The following SLC17A1 variants were observed in gnomAD, a reference collection of about 807,000 sequenced individuals.
SLC17A1 encodes sodium-dependent phosphate transport protein 1.
In SLC17A1, 51 loss-of-function variants were observed where a neutral mutation model predicts 53.5. The ratio of observed to expected loss-of-function variants is 0.95; its 90% CI spans 0.76 to 1.20. SLC17A1 has a LOEUF of 1.20. Among genes scored for constraint, SLC17A1 ranks in the 50% most tolerant of loss-of-function variants. The probability of loss-of-function intolerance (pLI) is 0.00; values close to 1 mark genes in which losing one functional copy is unlikely to be tolerated. For missense variants in SLC17A1, 538 were observed against 568.2 expected (o/e 0.95, Z 0.54); for synonymous variants, 179 against 198.8 (o/e 0.90, Z 0.84).
At chr6:25,726,810 C>A in the SLC17A1 span, 18 of 1,392,512 alleles carry the variant, frequency 1.3e-5, no homozygotes, top group South Asian at 2.6e-4. Flanking sequence ...GAGCTGAGGT[C>A]ATTTGGAGCT....
chr6:25,791,899 G>A (rs949926315), intron 12 of SLC17A1, among the ~76,000 whole-genome samples: 13 of 152,178 alleles, frequency 8.5e-5, no homozygotes, highest in African/African-American at 3.1e-4. Context: ...TACTACTTAC[G>A]TGGCTTCATT....
In SLC17A1 at chr6:25,819,518, A is replaced by G. The variant is rs878889160; in HGVS notation, c.522T>C (p.Ser174=). Residue 174 remains serine (S), a synonymous_variant, in exon 5 of 13, where the codon AGT becomes AGC. Transcript: ENST00000244527. ...PLERGRLTSM[S]TSGFLLGPFI... is the part of the protein sequence containing the mutation. Reference sequence around the variant, plus strand: ...TAGGCTTTAATTCTTTACCTGATGTACTCATAGAAGTAAGTCGGCCTCGTT... The same window carrying G: ...TAGGCTTTAATTCTTTACCTGATGTGCTCATAGAAGTAAGTCGGCCTCGTT... The G allele has an allele frequency of 6.2e-7, 1 of 1,611,970 alleles. No individual in the cohort carries two copies. Among genetic ancestry groups the G allele is most frequent in the Admixed American group, 1.7e-5 (1 of 60,016 alleles).
At position 25,798,919 on chromosome 6, in the gene SLC17A1, C is replaced by G. The variant is rs770659914; in HGVS notation, c.1270G>C (p.Asp424His). 6.4e-7 allele frequency: 1 copy of G among 1,555,346 alleles called. No individual in the cohort carries two copies. The highest frequency in any genetic ancestry group is 1.4e-5 in the African/African-American group (1 of 74,072). The change falls in exon 12 of 13, where the codon GAT becomes CAT. Residue 424 changes from aspartate to histidine, a missense_variant and splice_region_variant. By Grantham distance (81) the Asp-to-His change is moderately conservative. Coordinates refer to ENST00000244527, the MANE Select transcript of SLC17A1 (RefSeq NM_005074.5). ...GTTTTAAACCAGGCGGATTCCGGAT[C>G]CTAAGGAATTAAAATTCAAAGTAAT... ...STLTGLILKQ[D>H]PESAWFKTFI...
chr6:25,757,143 T>C, the SLC17A1 span, among the ~76,000 whole-genome samples: 1 of 152,200 alleles, frequency 6.6e-6, no homozygotes, highest in African/African-American at 2.4e-5. Context: ...CTAACATCTG[T>C]GGTTTTGAAT....
the SLC17A1 span, among the ~76,000 whole-genome samples, chr6:25,766,031 A>G: frequency 6.6e-6 from 1 of 151,720 alleles, no homozygotes; most frequent in East Asian, 1.9e-4. Context: ...TTATAGGGAA[A>G]GTACATAAGT....
chr6:25,803,704 A>G (rs1393907993), intron 10 of SLC17A1, among the ~76,000 whole-genome samples: 1 of 152,124 alleles, frequency 6.6e-6, no homozygotes, highest in Non-Finnish European at 1.5e-5. Flanking sequence ...TTGTAAGGTA[A>G]ATATGATTAA....
the SLC17A1 span, among the ~76,000 whole-genome samples, chr6:25,769,516 C>T: frequency 1.3e-5 from 2 of 151,134 alleles, no homozygotes; most frequent in African/African-American, 4.9e-5. Context: ...GGAGATCGTG[C>T]CACTGCACTC....
chr6:25,731,788 T>G, the SLC17A1 span: 11 of 1,584,962 alleles, frequency 6.9e-6, no homozygotes, highest in East Asian at 2.3e-5. Flanking sequence ...ATGTTTTACT[T>G]GGAGCTAGTG....
intron 8 of SLC17A1, among the ~76,000 whole-genome samples, chr6:25,812,193 G>T (rs996167123): frequency 2.0e-5 from 3 of 152,186 alleles, no homozygotes; most frequent in African/African-American, 7.2e-5. Flanking sequence ...GTCAGAGAGA[G>T]TTTATAAGAC....
At chr6:25,732,510 C>T in the SLC17A1 span, 1 of 423,680 alleles carries the variant, frequency 2.4e-6, no homozygotes. Context: ...TCTGCAGTTC[C>T]CCGTGGGCGG....
chr6:25,758,296 T>C, the SLC17A1 span, among the ~76,000 whole-genome samples: 1 of 152,232 alleles, frequency 6.6e-6, no homozygotes, highest in Non-Finnish European at 1.5e-5. Context: ...AGTGAATACC[T>C]GACAGAGAAT....
chr6:25,775,989 T>C, the SLC17A1 span, among the ~76,000 whole-genome samples: 28 of 152,164 alleles, frequency 1.8e-4, no homozygotes, highest in Non-Finnish European at 3.5e-4. Flanking sequence ...TCTCATACCT[T>C]TGTGCAACCC....
At chr6:25,755,640 C>T in the SLC17A1 span, among the ~76,000 whole-genome samples, 21 of 152,118 alleles carry the variant, frequency 1.4e-4, no homozygotes, top group Non-Finnish European at 8.8e-5. Flanking sequence ...CCTCATTTAC[C>T]TGGTTTCAAA....
At chr6:25,782,907 C>G (rs2151471039), downstream of SLC17A1, 1 of 152,160 alleles carries the variant, frequency 6.6e-6, no homozygotes, top group South Asian at 2.1e-4. Context: ...TTTCATGAAG[C>G]CTTAGAATAA....
chr6:25,734,483 G>A, the SLC17A1 span, among the ~76,000 whole-genome samples: 3 of 152,040 alleles, frequency 2.0e-5, no homozygotes, highest in Non-Finnish European at 1.5e-5. Context: ...TACAGCTAAC[G>A]AAATGGTTTC....
chr6:25,822,259 T>G (rs960668257), intron 3 of SLC17A1, among the ~76,000 whole-genome samples: 2 of 152,160 alleles, frequency 1.3e-5, no homozygotes, highest in African/African-American at 4.8e-5. Flanking sequence ...TTGTTTTGAC[T>G]TTTTCATATT....
At chr6:25,772,196 C>G in the SLC17A1 span, among the ~76,000 whole-genome samples, 1 of 152,056 alleles carries the variant, frequency 6.6e-6, no homozygotes, top group African/African-American at 2.4e-5. Context: ...ATTCAAACAA[C>G]AAGAAAATCT....
the SLC17A1 span, among the ~76,000 whole-genome samples, chr6:25,744,650 A>G: frequency 0.27 from 41,347 of 152,100 alleles, 6,840 homozygotes; most frequent in East Asian, 0.7. Context: ...AATTGTAGAA[A>G]TGCTATTTAA....
At chr6:25,769,568 A>AAAAG in the SLC17A1 span, among the ~76,000 whole-genome samples, 17 of 152,044 alleles carry the variant, frequency 1.1e-4, no homozygotes, top group South Asian at 3.1e-3. Flanking sequence ...AAAAAAAAAA[A>AAAAG]AAAGAAAGAA....
Sources: gnomAD v4.1 joint callset for allele counts (sites outside exome capture counted in the v4.1 genomes callset) on GRCh38, gnomAD v4.1.1 for gene constraint, MANE v1.5 for transcripts, NCBI Gene and HGNC (gene_info 2026-07-23, HGNC 2026-07-21) for gene names.